MSRB3: variants seen among roughly 807,000 people sequenced by gnomAD.
MSRB3 encodes methionine sulfoxide reductase B3.
A neutral mutation model predicts 21.0 loss-of-function variants in MSRB3; 13 were observed. The observed-to-expected ratio is 0.62, with a 90% CI of 0.40 to 0.98. The LOEUF (loss-of-function observed/expected upper bound fraction) is 0.98. MSRB3 is among the 50% of genes least tolerant of loss of function. The pLI is 0.00. For missense variants in MSRB3, 199 were observed against 230.3 expected (o/e 0.86, Z 0.88); for synonymous variants, 87 against 88.6 (o/e 0.98, Z 0.10).
At chr12:65,433,933 C>T (rs1370090517) in intron 5 of MSRB3, among the ~76,000 whole-genome samples, 2 of 151,806 alleles carry the variant, frequency 1.3e-5, no homozygotes, top group African/African-American at 4.8e-5. Flanking sequence ...AGTACTTGAT[C>T]TCTTCCTTTA....
At chr12:65,297,967 A>G (rs1026420698) in intron 1 of MSRB3, among the ~76,000 whole-genome samples, 13 of 152,080 alleles carry the variant, frequency 8.5e-5, no homozygotes, top group Non-Finnish European at 1.5e-4. Context: ...GGTGACTCCA[A>G]GGTTTGAGAT....
intron 4 of MSRB3, 143 bp downstream of exon 4, chr12:65,328,746 G>A (rs1290444246): frequency 7.2e-6 from 5 of 689,908 alleles, no homozygotes; most frequent in Non-Finnish European, 1.0e-5. Flanking sequence ...CAAAACAAAA[G>A]TAATTATTGA....
chr12:65,305,634 A>C (rs184552290), intron 1 of MSRB3, among the ~76,000 whole-genome samples: 212 of 152,300 alleles, frequency 1.4e-3, no homozygotes, highest in Non-Finnish European at 2.2e-3. Context: ...GTGTCTAAAA[A>C]GGGGAAAATG....
intron 5 of MSRB3, among the ~76,000 whole-genome samples, chr12:65,426,182 A>AT (rs945720698): frequency 1.3e-5 from 2 of 151,990 alleles, no homozygotes; most frequent in African/African-American, 2.4e-5. Context: ...TTATGTTACT[A>AT]TTTTTTGTCT....
At position 65,278,719 on chromosome 12, in the gene MSRB3, G is replaced by T; in HGVS notation, c.-198G>T. 1 of 1,504,942 alleles carries T rather than the reference G, an allele frequency of 6.6e-7. No homozygotes were observed. Among genetic ancestry groups the T allele is most frequent in the South Asian group, 1.2e-5 (1 of 84,108 alleles). 93.2% of individuals were successfully genotyped at this position (1,504,942 alleles called of 1,614,324 possible). A position where few individuals can be genotyped will look rare whatever the true frequency, so the allele number is the denominator to read the frequency against. ...CGCCCCGTCCGTCGCCCGGAGCCGG[G>T]GAGGGAGGGAGCGAGGTTCGGACAC... On this transcript the variant is annotated 5_prime_UTR_variant, in exon 1 of 7. An upstream open reading frame in the 5' UTR gains an earlier in-frame stop. Transcript: ENST00000308259.
At chr12:65,286,996 G>C (rs1344757820) in intron 1 of MSRB3, among the ~76,000 whole-genome samples, 2 of 122,926 alleles carry the variant, frequency 1.6e-5, no homozygotes, top group Non-Finnish European at 3.2e-5. Flanking sequence ...ACTCCATTCT[G>C]GGTGACAGAG....
intron 4 of MSRB3, among the ~76,000 whole-genome samples, chr12:65,363,151 C>T (rs1201093660): frequency 1.3e-5 from 2 of 152,296 alleles, no homozygotes; most frequent in South Asian, 2.1e-4. Flanking sequence ...ACATTAAGAA[C>T]AGCACCCTCA....
chr12:65,357,286 T>G (rs73318502), intron 4 of MSRB3, among the ~76,000 whole-genome samples: 4,027 of 152,010 alleles, frequency 0.026, 189 homozygotes, highest in African/African-American at 0.092. Flanking sequence ...CCTCTTCATA[T>G]CCATTGCTCC....
intron 4 of MSRB3, among the ~76,000 whole-genome samples, chr12:65,354,916 G>C (rs751455449): frequency 6.6e-6 from 1 of 151,736 alleles, no homozygotes; most frequent in South Asian, 2.1e-4. Flanking sequence ...CCCAGAAAAC[G>C]TAGTCATTAT....
chr12:65,436,471 A>G (rs1452968462), intron 5 of MSRB3, among the ~76,000 whole-genome samples: 1 of 151,758 alleles, frequency 6.6e-6, no homozygotes, highest in Non-Finnish European at 1.5e-5. Context: ...GTAATCCCAT[A>G]TATTTGTTCT....
chr12:65,428,228 C>T (rs1272124800), intron 5 of MSRB3, among the ~76,000 whole-genome samples: 2 of 152,190 alleles, frequency 1.3e-5, no homozygotes, highest in Admixed American at 6.5e-5. Context: ...TTCAGACAAC[C>T]TCTGCTATTC....
At chr12:65,301,249 A>G (rs1411843723) in intron 1 of MSRB3, among the ~76,000 whole-genome samples, 1 of 152,222 alleles carries the variant, frequency 6.6e-6, no homozygotes, top group African/African-American at 2.4e-5. Context: ...ATCATAACAT[A>G]TACGAAAATG....
intron 5 of MSRB3, among the ~76,000 whole-genome samples, chr12:65,429,986 G>T (rs1195125754): frequency 1.3e-5 from 2 of 152,152 alleles, no homozygotes; most frequent in Non-Finnish European, 2.9e-5. Flanking sequence ...CCAATGCAAA[G>T]ATCACATGTA....
intron 4 of MSRB3, among the ~76,000 whole-genome samples, chr12:65,357,314 C>T (rs890385367): frequency 2.0e-5 from 3 of 151,898 alleles, no homozygotes; most frequent in Non-Finnish European, 2.9e-5. Flanking sequence ...GTCTAAGCCA[C>T]CATCATCTTT....
At chr12:65,381,538 G>A (rs1237685936) in intron 5 of MSRB3, among the ~76,000 whole-genome samples, 1 of 152,108 alleles carries the variant, frequency 6.6e-6, no homozygotes, top group African/African-American at 2.4e-5. Flanking sequence ...ATGTACAAAT[G>A]TAGCAAAACT....
At chr12:65,327,024 G>A (rs1592528090) in intron 3 of MSRB3, 90 bp downstream of exon 3, 1 of 906,858 alleles carries the variant, frequency 1.1e-6, no homozygotes, top group South Asian at 1.4e-5. Context: ...TTAATTTAAA[G>A]CATTCTATAC....
chr12:65,330,429 CT>C (rs1439618285), intron 4 of MSRB3, among the ~76,000 whole-genome samples: 1 of 152,158 alleles, frequency 6.6e-6, no homozygotes, highest in Non-Finnish European at 1.5e-5. Flanking sequence ...TTGTTTGCTT[CT>C]TTTTTACTTG....
chr12:65,422,412 ATATATATATATATATATATT>A (rs1298697348), intron 5 of MSRB3, among the ~76,000 whole-genome samples: 21 of 40,076 alleles, frequency 5.2e-4, no homozygotes, highest in African/African-American at 1.1e-3. Context: ...ATATATATAT[ATATATATATATATATATATT>A]TATTTATTTA....
chr12:65,413,645 C>T (rs892398532), intron 5 of MSRB3, among the ~76,000 whole-genome samples: 11 of 152,038 alleles, frequency 7.2e-5, no homozygotes, highest in African/African-American at 2.4e-4. Flanking sequence ...GCTTGATGTA[C>T]GTTAGTAAAC....
Sources: allele counts gnomAD v4.1 joint callset (sites outside exome capture counted in the v4.1 genomes callset), GRCh38; gene constraint gnomAD v4.1.1; transcripts MANE v1.5; gene names NCBI Gene and HGNC (gene_info 2026-07-23, HGNC 2026-07-21).